RASGRF1: variants seen among roughly 807,000 people sequenced by gnomAD.
RASGRF1 encodes the protein Ras protein specific guanine nucleotide releasing factor 1, also known as ras-specific guanine nucleotide-releasing factor 1.
RASGRF1 carries 40 observed loss-of-function variants against 138.7 expected under a neutral mutation model. That is an observed-to-expected ratio of 0.29 (90% CI 0.22 to 0.38). The LOEUF (loss-of-function observed/expected upper bound fraction) is 0.38, where lower values mean the gene tolerates loss of function less well. Ranked by LOEUF, RASGRF1 falls within the 10% of genes least tolerant of loss-of-function variation. RASGRF1 has a pLI of 1.00. For synonymous variants in RASGRF1, 614 were observed against 663.2 expected, an observed-to-expected ratio of 0.93 and a Z score of 1.14; for missense variants, 1,108 against 1,650.4, an observed-to-expected ratio of 0.67 and a Z score of 5.69.
Position 78,976,559 on chromosome 15 carries a change from A to AACACAC in RASGRF1, c.3495-3145_3495-3140dup, listed in dbSNP as rs58602180. On this transcript the variant is annotated intron_variant, in intron 24 of 26. Transcript: ENST00000558480. Reference sequence around the variant, plus strand: ...GAGGGGACAAGAGAACACTCAATCAAACACACACACACACACACACACACA... The same window carrying AACACAC: ...GAGGGGACAAGAGAACACTCAATCAAACACACACACACACACACACACACACACACA... 6.5e-3 allele frequency among the ~76,000 whole-genome samples: 964 copies of AACACAC among 148,754 alleles called. 12 individuals carry two copies. The highest frequency in any genetic ancestry group is 0.022 in the African/African-American group (872 of 40,482).
intron 3 of RASGRF1, among the ~76,000 whole-genome samples, chr15:79,053,785 C>T (rs1472775875): frequency 6.6e-6 from 1 of 152,208 alleles, no homozygotes; most frequent in Non-Finnish European, 1.5e-5. Flanking sequence ...GTGGCCTGCG[C>T]ACTCGCACAG....
intron 13 of RASGRF1, among the ~76,000 whole-genome samples, chr15:79,010,388 C>A (rs1290905078): frequency 6.6e-6 from 1 of 152,178 alleles, no homozygotes; most frequent in Non-Finnish European, 1.5e-5. Context: ...TCCCTGTCTG[C>A]AAAATGGGAG....
intron 14 of RASGRF1, among the ~76,000 whole-genome samples, chr15:79,004,412 C>G (rs569929549): frequency 5.3e-5 from 8 of 152,088 alleles, no homozygotes; most frequent in African/African-American, 1.2e-4. Flanking sequence ...TATGCTCCGC[C>G]CCCCCACCCC....
rs780360665 is a variant in RASGRF1 at position 79,046,979 on chromosome 15, G to A, written c.645C>T (p.Gly215=). 4.3e-6 allele frequency: 7 copies of A among 1,612,970 alleles called. No homozygotes were observed. The highest frequency in any genetic ancestry group is 1.1e-5 in the South Asian group (1 of 91,086). ...TCTTCCACTTCCGCCGGCACAGCCA[G>A]CCCCGCAGGAAGCTCTGCACCTGAG... ...KIKKVQSFLR[G]WLCRRKWKTI... Residue 215 remains glycine (G), a synonymous_variant, in exon 5 of 27, where the codon GGC becomes GGT. Coordinates refer to ENST00000558480, the MANE Select transcript of RASGRF1 (RefSeq NM_001145648.3). The surrounding 1 kb of genome is among the most constrained non-coding windows in gnomAD (Gnocchi z 5.3).
At chr15:78,985,797 T>C (rs1338570596) in intron 22 of RASGRF1, 1 of 152,290 alleles carries the variant, frequency 6.6e-6, no homozygotes, top group Non-Finnish European at 1.5e-5. Flanking sequence ...TGATGGCGCA[T>C]GCCTGTAATC....
In RASGRF1 at chr15:79,046,671, A is replaced by T. The variant is rs759813820; in HGVS notation, c.878+75T>A. The T allele has an allele frequency of 9.5e-6, 15 of 1,582,732 alleles. No individual in the cohort carries two copies. Among genetic ancestry groups the T allele is most frequent in the African/African-American group, 1.3e-5 (1 of 74,452 alleles). On this transcript the variant is annotated intron_variant, in intron 5 of 26. Transcript: ENST00000558480. This position sits in a 1 kb window ranked among gnomAD's most constrained non-coding sequence, Gnocchi z 5.3. ...GCACTCGGTGGGAACCACGTGAGAG[A>T]GTGTGTCAAAGCTTAGCTGCGGCCA... is the stretch of plus-strand genomic sequence containing the variant.
chr15:79,030,024 G>T (rs1189971131), intron 8 of RASGRF1, among the ~76,000 whole-genome samples: 3 of 152,082 alleles, frequency 2.0e-5, no homozygotes, highest in Admixed American at 6.5e-5. Context: ...GGGCATGGGA[G>T]GACTGGAGTC....
intron 8 of RASGRF1, among the ~76,000 whole-genome samples, chr15:79,028,218 A>G (rs984659229): frequency 6.6e-6 from 1 of 152,204 alleles, no homozygotes; most frequent in Non-Finnish European, 1.5e-5. Flanking sequence ...ATGGGAGCAC[A>G]GGAGACATCC....
intron 3 of RASGRF1, among the ~76,000 whole-genome samples, chr15:79,052,373 G>A (rs751871834): frequency 2.6e-5 from 4 of 152,204 alleles, no homozygotes; most frequent in Non-Finnish European, 5.9e-5. Context: ...TGCATTGCTT[G>A]CTTTTCAAGC....
rs775027252 is a variant in RASGRF1 at position 78,960,736 on chromosome 15, TG to T, written c.*1407del. 8.5e-5 allele frequency: 13 copies of T among 152,266 alleles called. No individual in the cohort carries two copies. Among genetic ancestry groups the T allele is most frequent in the African/African-American group, 2.9e-4 (12 of 41,542 alleles). The allele number at this position is 152,266 out of a possible 1,614,324, so 9.4% of individuals were successfully genotyped here. ...ATTATGTTTTGGAGTGGCTTGTTCT[TG>T]GTGCAATAGGCAACTGAAACAGTCT... On this transcript the variant is annotated 3_prime_UTR_variant, in exon 27 of 27. Transcript: ENST00000558480.
chr15:79,025,235 C>T (rs777466851), intron 10 of RASGRF1, 79 bp downstream of exon 10: 4 of 1,456,686 alleles, frequency 2.7e-6, no homozygotes, highest in Non-Finnish European at 3.7e-6. Context: ...ACCACCTGGG[C>T]CCATAGACCC....
rs528278458 is a variant in RASGRF1 at position 79,072,150 on chromosome 15, C to G, written c.277-7624G>C. On this transcript the variant is annotated intron_variant, in intron 1 of 26. Coordinates refer to ENST00000558480, the MANE Select transcript of RASGRF1 (RefSeq NM_001145648.3). ...GTCAGGCCAGCTCAGCTCCCTGGAG[C>G]TCTGAGATAGCTGGAGAGAACTGAG... Among the ~76,000 whole-genome samples the G allele has an allele frequency of 2.6e-5, 4 of 151,970 alleles. No homozygotes were observed. The South Asian group carries it at 8.3e-4, about 32-fold the overall frequency.
intron 1 of RASGRF1, among the ~76,000 whole-genome samples, chr15:79,074,947 C>T (rs1035195563): frequency 6.6e-6 from 1 of 152,262 alleles, no homozygotes; most frequent in African/African-American, 2.4e-5. Context: ...GTCCTAAGAT[C>T]GAGCGAGAAA....
At chr15:79,004,467 C>G (rs2056627161) in intron 14 of RASGRF1, among the ~76,000 whole-genome samples, 1 of 152,102 alleles carries the variant, frequency 6.6e-6, no homozygotes, top group Admixed American at 6.5e-5. Flanking sequence ...GCTAAGGGTC[C>G]CCTGAGCTGC....
chr15:79,012,573 G>A, intron 13 of RASGRF1: 1 of 1,612,506 alleles, frequency 6.2e-7, no homozygotes, highest in South Asian at 1.1e-5. Flanking sequence ...ATGGGTCCTT[G>A]AAGTTGTAAG....
chr15:78,978,215 CTTTTGTTTTTTT>C (rs776888140), intron 24 of RASGRF1, among the ~76,000 whole-genome samples: 26 of 79,352 alleles, frequency 3.3e-4, no homozygotes, highest in African/African-American at 1.0e-3. Context: ...TTTTTCTTTT[CTTTTGTTTTTTT>C]TTTTTTTTTT....
intron 3 of RASGRF1, among the ~76,000 whole-genome samples, chr15:79,054,623 G>T (rs564233891): frequency 6.6e-6 from 1 of 152,338 alleles, no homozygotes; most frequent in Admixed American, 6.5e-5. Flanking sequence ...CTTGATGGCA[G>T]AAGCCTCCTT....
chr15:78,970,797 A>AT (rs200084562), intron 26 of RASGRF1, among the ~76,000 whole-genome samples: 224 of 141,164 alleles, frequency 1.6e-3, no homozygotes, highest in African/African-American at 5.0e-3. Flanking sequence ...TTATTAAACA[A>AT]TTTTTTTTTC....
Position 79,032,107 on chromosome 15 carries a change from C to A in RASGRF1, c.1152+16G>T. On this transcript the variant is annotated intron_variant, in intron 7 of 26. Coordinates refer to ENST00000558480, the MANE Select transcript of RASGRF1 (RefSeq NM_001145648.3). The surrounding 1 kb of genome is among the most constrained non-coding windows in gnomAD (Gnocchi z 4.5). ...CCTCCCTGACTCTACCCCACCCAGGCAGGGCCGGACGCCACCTGGAACATG... is the reference window on the plus strand; with the variant it reads ...CCTCCCTGACTCTACCCCACCCAGGAAGGGCCGGACGCCACCTGGAACATG... 1 of 1,610,502 alleles carries A rather than the reference C, an allele frequency of 6.2e-7. No individual in the cohort carries two copies. Among genetic ancestry groups the A allele is most frequent in the Non-Finnish European group, 8.5e-7 (1 of 1,178,002 alleles).
Sources: allele counts gnomAD v4.1 joint callset (sites outside exome capture counted in the v4.1 genomes callset), GRCh38; gene constraint gnomAD v4.1.1; non-coding constraint Gnocchi (gnomAD v3.1); transcripts MANE v1.5; gene names NCBI Gene and HGNC (gene_info 2026-07-23, HGNC 2026-07-21).